Variants in CCSER1 observed in about 807,000 individuals in gnomAD.
CCSER1 encodes serine-rich coiled-coil domain-containing protein 1.
In CCSER1, 41 loss-of-function variants were observed where a neutral mutation model predicts 82.0. The ratio of observed to expected loss-of-function variants is 0.50; its 90% CI spans 0.39 to 0.65. The LOEUF (loss-of-function observed/expected upper bound fraction) is 0.65, where lower values mean the gene tolerates loss of function less well. Ranked by LOEUF, CCSER1 falls within the 30% of genes least tolerant of loss-of-function variation. The pLI is 0.00. For missense variants in CCSER1, 1,119 were observed against 1,064.2 expected, an observed-to-expected ratio of 1.05 and a Z score of -0.72; for synonymous variants, 414 against 383.9, an observed-to-expected ratio of 1.08 and a Z score of -0.92.
At chr4:91,593,682 A>G (rs1292649766) in intron 10 of CCSER1, among the ~76,000 whole-genome samples, 2 of 152,060 alleles carry the variant, frequency 1.3e-5, no homozygotes, top group African/African-American at 4.8e-5. Context: ...CTATGTGTGG[A>G]TGACACTGAA....
rs946528095 is a variant in CCSER1, at chr4:90,183,696, G to A, written c.-42+55865G>A. Reference sequence around the variant, plus strand: ...TCTGACTAGATTTTTTACCTCAAAGGCAGTTGTACAGACAACACTAGTAAT... The same window carrying A: ...TCTGACTAGATTTTTTACCTCAAAGACAGTTGTACAGACAACACTAGTAAT... On this transcript the variant is annotated intron_variant, in intron 1 of 10. Transcript: ENST00000509176. Among the ~76,000 whole-genome samples, 35 of 152,094 alleles carry A rather than the reference G, an allele frequency of 2.3e-4. 1 individual carries two copies. Among genetic ancestry groups the A allele is most frequent in the African/African-American group, 7.7e-4 (32 of 41,424 alleles).
At chr4:90,221,191 C>T (rs560416822) in intron 1 of CCSER1, among the ~76,000 whole-genome samples, 25 of 152,118 alleles carry the variant, frequency 1.6e-4, no homozygotes, top group African/African-American at 2.4e-4. Flanking sequence ...TATAAGTTTC[C>T]GTGGAAATAT....
intron 10 of CCSER1, among the ~76,000 whole-genome samples, chr4:91,423,202 G>T (rs997881762): frequency 1.3e-5 from 2 of 151,678 alleles, no homozygotes; most frequent in Non-Finnish European, 2.9e-5. Context: ...GAGGCGGGCA[G>T]ATCACCTGAG....
intron 10 of CCSER1, among the ~76,000 whole-genome samples, chr4:91,114,713 C>G (rs1726398694): frequency 6.6e-6 from 1 of 152,160 alleles, no homozygotes; most frequent in African/African-American, 2.4e-5. Context: ...TCCCGCTTCT[C>G]CTTATATTTT....
At chr4:90,169,192 A>G (rs200878588) in intron 1 of CCSER1, among the ~76,000 whole-genome samples, 51,593 of 151,540 alleles carry the variant, frequency 0.34, 10,978 homozygotes, top group East Asian at 0.64. Context: ...GGTCCTTCAC[A>G]TCCCTTGTAA....
chr4:90,376,301 A>G (rs1404938953), intron 3 of CCSER1, among the ~76,000 whole-genome samples: 2 of 152,134 alleles, frequency 1.3e-5, no homozygotes, highest in African/African-American at 4.8e-5. Flanking sequence ...GCAGTACAAC[A>G]TTTCTCCTTG....
rs1396822824 is a variant in CCSER1, at chr4:91,602,880, T to TATC, written c.*3824_*3826dup. ...TCATTTATACCAGGATTTTGATTGC[T>TATC]ATCTAAGACTTGACTTTATTTAGGC... is the stretch of plus-strand genomic sequence containing the variant. On this transcript the variant is annotated 3_prime_UTR_variant, in exon 11 of 11. Transcript: ENST00000509176. 6.6e-6 allele frequency among the ~76,000 whole-genome samples: 1 copy of TATC among 152,078 alleles called. No individual in the cohort carries two copies. Among genetic ancestry groups the TATC allele is most frequent in the East Asian group, 1.9e-4 (1 of 5,186 alleles).
At chr4:91,461,190 A>G (rs937661410) in intron 10 of CCSER1, among the ~76,000 whole-genome samples, 2 of 152,224 alleles carry the variant, frequency 1.3e-5, no homozygotes, top group East Asian at 3.9e-4. Flanking sequence ...ACACAGAAAT[A>G]CTTTCTTAGC....
At chr4:91,098,172 A>T (rs1724697616) in intron 10 of CCSER1, among the ~76,000 whole-genome samples, 1 of 152,212 alleles carries the variant, frequency 6.6e-6, no homozygotes, top group African/African-American at 2.4e-5. Flanking sequence ...AATATATAAC[A>T]TCCTAAAGAA....
At chr4:90,823,757 T>C (rs979059892) in intron 8 of CCSER1, among the ~76,000 whole-genome samples, 3 of 151,950 alleles carry the variant, frequency 2.0e-5, no homozygotes, top group Admixed American at 6.6e-5. Context: ...TTTTAAAATG[T>C]TAATTTTACT....
At chr4:91,020,992 G>C (rs73834724) in intron 9 of CCSER1, among the ~76,000 whole-genome samples, 5 of 152,022 alleles carry the variant, frequency 3.3e-5, no homozygotes, top group Admixed American at 2.0e-4. Flanking sequence ...TTAAGAAAAC[G>C]AGATACTTCA....
intron 1 of CCSER1, among the ~76,000 whole-genome samples, chr4:90,129,780 G>T (rs1722497820): frequency 6.6e-6 from 1 of 152,130 alleles, no homozygotes; most frequent in Admixed American, 6.5e-5. Context: ...TTTTGATTTT[G>T]TTAGATTTAT....
chr4:91,316,954 G>A (rs533201951), intron 10 of CCSER1, among the ~76,000 whole-genome samples: 8 of 151,900 alleles, frequency 5.3e-5, no homozygotes, highest in Non-Finnish European at 1.0e-4. Context: ...TGGGCAAGAG[G>A]CATAAATTGT....
intron 5 of CCSER1, among the ~76,000 whole-genome samples, chr4:90,550,928 A>G (rs1308888082): frequency 6.6e-6 from 1 of 152,136 alleles, no homozygotes; most frequent in Non-Finnish European, 1.5e-5. Context: ...TATGAAATTC[A>G]TGCTACCGTC....
intron 5 of CCSER1, among the ~76,000 whole-genome samples, chr4:90,598,670 C>T (rs991716330): frequency 1.3e-5 from 2 of 151,878 alleles, no homozygotes; most frequent in Non-Finnish European, 2.9e-5. Flanking sequence ...TAAAATTTTT[C>T]TGCTGTTGAA....
At chr4:91,204,919 C>G (rs1228659193) in intron 10 of CCSER1, among the ~76,000 whole-genome samples, 1 of 151,468 alleles carries the variant, frequency 6.6e-6, no homozygotes, top group African/African-American at 2.4e-5. Context: ...TTTTTATGAT[C>G]TTTAAGTAAC....
chr4:90,849,592 A>G (rs550946260), intron 8 of CCSER1, among the ~76,000 whole-genome samples: 1 of 152,106 alleles, frequency 6.6e-6, no homozygotes, highest in East Asian at 1.9e-4. Flanking sequence ...GATCAAGACC[A>G]TCCTGGCTAA....
At chr4:90,578,069 G>T (rs1780967279) in intron 5 of CCSER1, among the ~76,000 whole-genome samples, 1 of 152,076 alleles carries the variant, frequency 6.6e-6, no homozygotes, top group Non-Finnish European at 1.5e-5. Context: ...ATTTACAGAT[G>T]ACAGTATCTA....
chr4:90,997,371 C>T (rs746884914), intron 9 of CCSER1, among the ~76,000 whole-genome samples: 3 of 152,220 alleles, frequency 2.0e-5, no homozygotes, highest in Admixed American at 1.3e-4. Context: ...CCTGCCTCCC[C>T]GTTCTGTTAT....
Sources: gnomAD v4.1 joint callset for allele counts (sites outside exome capture counted in the v4.1 genomes callset) on GRCh38, gnomAD v4.1.1 for gene constraint, MANE v1.5 for transcripts, NCBI Gene and HGNC (gene_info 2026-07-23, HGNC 2026-07-21) for gene names.